The following C5 variants were observed in gnomAD, a reference collection of about 807,000 sequenced individuals.
C5 encodes the protein C3 and PZP-like alpha-2-macroglobulin domain-containing protein 4.
In C5, 140 loss-of-function variants were observed where a neutral mutation model predicts 218.8. The observed-to-expected ratio is 0.64, with a 90% CI of 0.56 to 0.74. The LOEUF is 0.74. Ranked by LOEUF, C5 falls within the 30% of genes least tolerant of loss-of-function variation. C5 has a pLI of 0.00. For missense variants in C5, 1,700 were observed against 1,969.6 expected, an observed-to-expected ratio of 0.86 and a Z score of 2.59; for synonymous variants, 614 against 682.3, an observed-to-expected ratio of 0.90 and a Z score of 1.56.
Position 120,996,259 on chromosome 9 carries a change from C to A in C5, c.2832G>T (p.Leu944Phe), listed in dbSNP as rs2131721901. Residue 944 changes from leucine to phenylalanine, a missense_variant, in exon 22 of 41, where the codon TTG becomes TTT. Transcript: ENST00000223642. The part of the protein sequence containing the change: ...VKRESYSGVT[L>F]DPRGIYGTIS... Reference sequence around the variant, plus strand: ...GCCTACCATAAATACCCCTAGGATCCAAAGTAACACCAGAATAGCTTTCCC... The same window carrying A: ...GCCTACCATAAATACCCCTAGGATCAAAAGTAACACCAGAATAGCTTTCCC... 1 of 1,611,682 alleles carries A rather than the reference C, an allele frequency of 6.2e-7. No homozygotes were observed. The highest frequency in any genetic ancestry group is 2.2e-5 in the East Asian group (1 of 44,818).
intron 8 of C5, chr9:121,025,908 G>T: frequency 4.6e-6 from 1 of 215,664 alleles, no homozygotes; most frequent in Non-Finnish European, 9.4e-6. Flanking sequence ...CCTTAACTGA[G>T]AGTTTGTTGG....
At chr9:120,987,313 G>T (rs939456569) in intron 25 of C5, among the ~76,000 whole-genome samples, 2 of 151,964 alleles carry the variant, frequency 1.3e-5, no homozygotes. Flanking sequence ...GAAAATAAGA[G>T]GGCCAAAGAT....
Position 120,957,514 on chromosome 9 carries a change from C to G in C5, c.4679-146G>C, listed in dbSNP as rs2046795311. On this transcript the variant is annotated intron_variant, in intron 38 of 40. Transcript: ENST00000223642. ...TTTCCTCCAAGAAGCCTTCCCCAAT[C>G]CCCTCAGTCTGATTCAATCTCTCAA... is the stretch of plus-strand genomic sequence containing the variant. 1.4e-5 allele frequency: 9 copies of G among 654,222 alleles called. No individual in the cohort carries two copies. In the South Asian group the frequency reaches 1.4e-4, roughly 10 times the overall value. 40.5% of individuals were successfully genotyped at this position (654,222 alleles called of 1,614,324 possible).
chr9:121,061,142 C>A, the C5 span, among the ~76,000 whole-genome samples: 1 of 151,994 alleles, frequency 6.6e-6, no homozygotes, highest in Non-Finnish European at 1.5e-5. Flanking sequence ...GAGCGGAGAT[C>A]GTGCCACTGC....
At chr9:121,063,591 T>C in the C5 span, among the ~76,000 whole-genome samples, 1 of 152,084 alleles carries the variant, frequency 6.6e-6, no homozygotes, top group Non-Finnish European at 1.5e-5. Flanking sequence ...TCTTGTAATT[T>C]TTTGTTAAAA....
chr9:121,002,308 A>ATGTGTGTGTGTGTG (rs71370613), intron 20 of C5, among the ~76,000 whole-genome samples: 3 of 66,912 alleles, frequency 4.5e-5, no homozygotes, highest in Admixed American at 4.0e-4. Context: ...GTATATATAT[A>ATGTGTGTGTGTGTG]TGTGTGTGTA....
chr9:121,054,548 C>T (rs2047688991), upstream of C5, among the ~76,000 whole-genome samples: 1 of 152,124 alleles, frequency 6.6e-6, no homozygotes, highest in Non-Finnish European at 1.5e-5. Flanking sequence ...TGCAGTGAGC[C>T]AAGATCGTGC....
Position 120,989,666 on chromosome 9 carries a change from A to C in C5, c.3056T>G (p.Phe1019Cys). Residue 1019 changes from phenylalanine (F) to cysteine (C), a missense_variant, in exon 24 of 41, where the codon TTC becomes TGC. Coordinates refer to ENST00000223642, the MANE Select transcript of C5 (RefSeq NM_001735.3). ...TGTTTCCAGGTAGTGAAAAACATAG[A>C]ATACTGGGACAACGCTCATCAGCTC... is the stretch of plus-strand genomic sequence containing the variant. ...EAELMSVVPV[F>C]YVFHYLETGN... is the part of the protein sequence containing the mutation. 4 of 1,613,812 alleles carry C rather than the reference A, an allele frequency of 2.5e-6. No homozygotes were observed. Among genetic ancestry groups the C allele is most frequent in the Non-Finnish European group, 2.5e-6 (3 of 1,179,734 alleles).
chr9:120,952,745 T>G lies in C5; in HGVS notation c.5025A>C (p.Gly1675=), dbSNP rs769554427. The G allele has an allele frequency of 1.2e-6, 2 of 1,612,698 alleles. No homozygotes were observed. Among genetic ancestry groups the G allele is most frequent in the Non-Finnish European group, 1.7e-6 (2 of 1,179,510 alleles). Residue 1675 remains glycine, a synonymous_variant, in exon 41 of 41, where the codon GGA becomes GGC. Transcript: ENST00000223642. ...CAGCTGAACTTCAGGAATTTTAGCA[T>G]CCATTTAAAAAGATATCTTCGGCAA... The part of the protein sequence containing the change: ...DEFAEDIFLN[G]C
rs2047320777 is a variant in C5 at position 121,017,758 on chromosome 9, A to G, written c.1601T>C (p.Met534Thr). Residue 534 changes from methionine (M) to threonine (T), a missense_variant, in exon 13 of 41, where the codon ATG (methionine) becomes ACG (threonine). Physicochemically the swap from Met to Thr is moderately conservative, Grantham distance 81 (BLOSUM62 -1). Transcript: ENST00000223642. The stretch of plus-strand genomic sequence containing the variant: ...GACCAGAAGTCGGGATGAAGGAACC[A>G]TGTTCTGTGTTACTGGAATGTTTAT... ...QSINIPVTQN[M>T]VPSSRLLVYY... The G allele has an allele frequency of 1.2e-6, 2 of 1,612,860 alleles. No individual in the cohort carries two copies. Among genetic ancestry groups the G allele is most frequent in the African/African-American group, 1.3e-5 (1 of 74,904 alleles).
intron 7 of C5, among the ~76,000 whole-genome samples, chr9:121,028,602 C>G (rs1035117521): frequency 6.6e-6 from 1 of 152,094 alleles, no homozygotes; most frequent in Non-Finnish European, 1.5e-5. Flanking sequence ...GGACAGAAAA[C>G]CAAATGCCGC....
At chr9:120,981,747 G>T in intron 27 of C5, 97 bp downstream of exon 27, 1 of 786,788 alleles carries the variant, frequency 1.3e-6, no homozygotes, top group Non-Finnish European at 2.2e-6. Context: ...AGAAGGAAAA[G>T]AAGCTTTTGA....
rs1466373278 is a variant in C5 at position 120,952,822 on chromosome 9, T to C, written c.4948A>G (p.Arg1650Gly). Residue 1650 changes from arginine (R) to glycine (G), a missense_variant, in exon 41 of 41, where the codon AGA (arginine) becomes GGA (glycine). Transcript: ENST00000223642. Reference protein sequence around the residue: ...DSLTWIEYWPRDTTCSSCQAF... With the variant: ...DSLTWIEYWPGDTTCSSCQAF... ...TGACACGATGAACATGTTGTGTCTC[T>C]AGGCCAGTATTCAATCCAGGTCAAG... 1.2e-6 allele frequency: 2 copies of C among 1,613,668 alleles called. No homozygotes were observed. The highest frequency in any genetic ancestry group is 8.5e-7 in the Non-Finnish European group (1 of 1,179,572).
intron 2 of C5, among the ~76,000 whole-genome samples, chr9:121,045,390 TC>T: frequency 6.6e-6 from 1 of 152,250 alleles, no homozygotes; most frequent in African/African-American, 2.4e-5. Flanking sequence ...AACGGTACAA[TC>T]TTATGCTTAT....
intron 20 of C5, among the ~76,000 whole-genome samples, chr9:120,998,121 T>C (rs923059333): frequency 3.9e-5 from 6 of 152,198 alleles, no homozygotes; most frequent in South Asian, 2.1e-4. Flanking sequence ...AAATACTTTA[T>C]CTCTAAAAAA....
chr9:120,995,393 C>T (rs1458254111), intron 22 of C5, among the ~76,000 whole-genome samples: 1 of 152,056 alleles, frequency 6.6e-6, no homozygotes, highest in African/African-American at 2.4e-5. Context: ...TGGCCACATC[C>T]TAAATTTCAT....
At chr9:121,000,739 C>A (rs536679415) in intron 20 of C5, among the ~76,000 whole-genome samples, 14 of 152,102 alleles carry the variant, frequency 9.2e-5, no homozygotes, top group African/African-American at 3.4e-4. Flanking sequence ...AGGTAAATGG[C>A]GTGTCGCAGA....
At chr9:121,012,174 A>G (rs2047266951) in intron 17 of C5, among the ~76,000 whole-genome samples, 4 of 152,152 alleles carry the variant, frequency 2.6e-5, no homozygotes, top group Non-Finnish European at 5.9e-5. Context: ...CCCATTTTCC[A>G]TGATATGATT....
chr9:121,018,802 A>AAGGAAGG (rs1564154108), intron 12 of C5, among the ~76,000 whole-genome samples: 2 of 129,160 alleles, frequency 1.5e-5, no homozygotes, highest in African/African-American at 2.8e-5. Flanking sequence ...AGGAAGGAAG[A>AAGGAAGG]AAGAGTGAGT....
Sources: gnomAD v4.1 joint callset for allele counts (sites outside exome capture counted in the v4.1 genomes callset) on GRCh38, gnomAD v4.1.1 for gene constraint, MANE v1.5 for transcripts, NCBI Gene and HGNC (gene_info 2026-07-23, HGNC 2026-07-21) for gene names.